SCHIP1: variants seen among roughly 807,000 people sequenced by gnomAD.
SCHIP1 encodes schwannomin interacting protein 1, also known as schwannomin-interacting protein 1.
Under a neutral mutation model 29.7 loss-of-function variants are expected in SCHIP1, and 8 were observed. The ratio of observed to expected loss-of-function variants is 0.27; its 90% CI spans 0.16 to 0.49. The LOEUF is 0.49. Among genes scored for constraint, SCHIP1 ranks in the 20% least tolerant of loss-of-function variants. The probability of loss-of-function intolerance (pLI) is 0.99; values close to 1 mark genes in which losing one functional copy is unlikely to be tolerated. For missense variants in SCHIP1, 193 were observed against 294.6 expected (o/e 0.66, Z 2.52); for synonymous variants, 76 against 94.9 (o/e 0.80, Z 1.16).
At chr3:159,401,333 G>T in the SCHIP1 span, 1 of 955,840 alleles carries the variant, frequency 1.0e-6, no homozygotes, top group Non-Finnish European at 1.2e-6. Flanking sequence ...TATCTTTGAG[G>T]CATCTAGACT....
At chr3:159,597,650 T>C in the SCHIP1 span, among the ~76,000 whole-genome samples, 1 of 152,172 alleles carries the variant, frequency 6.6e-6, no homozygotes, top group Non-Finnish European at 1.5e-5. Context: ...CCATTGTGTA[T>C]ATATACCACA....
At chr3:159,733,965 A>T in the SCHIP1 span, among the ~76,000 whole-genome samples, 27 of 152,150 alleles carry the variant, frequency 1.8e-4, no homozygotes, top group Non-Finnish European at 2.1e-4. Flanking sequence ...ACAATGTGGA[A>T]GACAGCAGAG....
the SCHIP1 span, among the ~76,000 whole-genome samples, chr3:159,608,224 T>A: frequency 6.6e-6 from 1 of 152,216 alleles, no homozygotes; most frequent in African/African-American, 2.4e-5. Context: ...ACTTGCTAAC[T>A]TTATGGAATT....
the SCHIP1 span, among the ~76,000 whole-genome samples, chr3:159,505,461 A>G: frequency 6.6e-6 from 1 of 152,184 alleles, no homozygotes; most frequent in East Asian, 1.9e-4. Flanking sequence ...TTGAGCCATT[A>G]TAATTTATGT....
chr3:159,895,802 T>C (rs1718004818), intron 6 of SCHIP1, among the ~76,000 whole-genome samples: 1 of 152,168 alleles, frequency 6.6e-6, no homozygotes, highest in Non-Finnish European at 1.5e-5. Flanking sequence ...TTCAAGCAAT[T>C]TTCCTGCCTC....
At chr3:159,381,896 C>G in the SCHIP1 span, among the ~76,000 whole-genome samples, 1 of 152,130 alleles carries the variant, frequency 6.6e-6, no homozygotes, top group African/African-American at 2.4e-5. Context: ...CTGTGTCCAG[C>G]CATTTGCCTG....
chr3:159,345,038 G>A, the SCHIP1 span, among the ~76,000 whole-genome samples: 1 of 152,056 alleles, frequency 6.6e-6, no homozygotes, highest in East Asian at 1.9e-4. Flanking sequence ...GACCAGCCTG[G>A]CCAAGATGGT....
the SCHIP1 span, among the ~76,000 whole-genome samples, chr3:159,545,230 A>T: frequency 6.6e-6 from 1 of 152,052 alleles, no homozygotes; most frequent in Non-Finnish European, 1.5e-5. Flanking sequence ...TGAAGGATAC[A>T]AAGTATTGAT....
chr3:159,801,725 A>G, the SCHIP1 span, among the ~76,000 whole-genome samples: 94 of 152,274 alleles, frequency 6.2e-4, no homozygotes, highest in Non-Finnish European at 1.1e-3. Context: ...TAAAAATTCT[A>G]TATTTCTATA....
the SCHIP1 span, among the ~76,000 whole-genome samples, chr3:159,643,266 A>G: frequency 7.9e-5 from 12 of 152,108 alleles, no homozygotes; most frequent in Non-Finnish European, 1.5e-4. Context: ...AAGAATTCTC[A>G]ATGAGGTAGA....
At chr3:159,800,866 T>C in the SCHIP1 span, among the ~76,000 whole-genome samples, 2 of 149,898 alleles carry the variant, frequency 1.3e-5, no homozygotes, top group South Asian at 2.1e-4. Context: ...AGGACCTCCA[T>C]AGCACTGTGC....
the SCHIP1 span, among the ~76,000 whole-genome samples, chr3:159,286,441 T>C: frequency 3.3e-5 from 5 of 152,218 alleles, no homozygotes; most frequent in Non-Finnish European, 7.4e-5. Flanking sequence ...CCATGGTGTA[T>C]ATATACCACA....
chr3:159,843,075 A>C, intron 1 of SCHIP1, among the ~76,000 whole-genome samples: 1 of 126,704 alleles, frequency 7.9e-6, no homozygotes, highest in Non-Finnish European at 1.6e-5. Flanking sequence ...GCAGTGGCGC[A>C]ATCTCAGTGG....
At chr3:159,782,347 T>A in the SCHIP1 span, among the ~76,000 whole-genome samples, 4 of 152,228 alleles carry the variant, frequency 2.6e-5, no homozygotes, top group African/African-American at 9.6e-5. Context: ...CTTTCAGTTA[T>A]AAACTACTAT....
intron 1 of SCHIP1, among the ~76,000 whole-genome samples, chr3:159,842,054 G>T (rs766046751): frequency 6.6e-5 from 10 of 152,126 alleles, no homozygotes; most frequent in Non-Finnish European, 1.5e-4. Context: ...CAGAAAAGGT[G>T]CTTTCTTGAA....
the SCHIP1 span, among the ~76,000 whole-genome samples, chr3:159,325,360 T>G: frequency 1.3e-5 from 2 of 152,164 alleles, no homozygotes; most frequent in Non-Finnish European, 2.9e-5. Context: ...AAATCATAAA[T>G]CATTCGTCTG....
chr3:159,294,338 A>T, the SCHIP1 span, among the ~76,000 whole-genome samples: 1 of 152,220 alleles, frequency 6.6e-6, no homozygotes, highest in African/African-American at 2.4e-5. Flanking sequence ...ACAAATACTA[A>T]TATAATCAAG....
chr3:159,591,499 A>C, the SCHIP1 span, among the ~76,000 whole-genome samples: 39 of 152,334 alleles, frequency 2.6e-4, no homozygotes, highest in African/African-American at 8.7e-4. Flanking sequence ...TTTACAATAG[A>C]AAAGACATGG....
At chr3:159,429,313 T>C in the SCHIP1 span, among the ~76,000 whole-genome samples, 2 of 151,834 alleles carry the variant, frequency 1.3e-5, no homozygotes, top group Non-Finnish European at 1.5e-5. Context: ...AAGGTTTTCA[T>C]AGGGTCCCCT....
Sources: allele counts gnomAD v4.1 joint callset (sites outside exome capture counted in the v4.1 genomes callset), GRCh38; gene constraint gnomAD v4.1.1; transcripts MANE v1.5; gene names NCBI Gene and HGNC (gene_info 2026-07-23, HGNC 2026-07-21).